Variants in JAM3 observed in about 807,000 individuals in gnomAD.
JAM3 encodes junctional adhesion molecule 3.
In JAM3, 31 loss-of-function variants were observed where a neutral mutation model predicts 39.4. The observed-to-expected ratio is 0.79, with a 90% CI of 0.59 to 1.06. JAM3 has a LOEUF of 1.06. Ranked by LOEUF, JAM3 falls within the 50% of genes least tolerant of loss-of-function variation. The pLI is 0.00. For synonymous variants in JAM3, 182 were observed against 148.7 expected (o/e 1.22, Z -1.63); for missense variants, 455 against 391.4 (o/e 1.16, Z -1.37).
chr11:134,096,071 G>A (rs2120662261), intron 1 of JAM3, among the ~76,000 whole-genome samples: 2 of 152,180 alleles, frequency 1.3e-5, no homozygotes, highest in East Asian at 3.9e-4. Context: ...CCACCTCCTG[G>A]GTTCAGGTGA....
At chr11:134,097,189 G>A (rs898894021) in intron 1 of JAM3, among the ~76,000 whole-genome samples, 2 of 152,258 alleles carry the variant, frequency 1.3e-5, no homozygotes, top group East Asian at 1.9e-4. Flanking sequence ...AATAGTGAAT[G>A]TGTTTTGATT....
At chr11:134,101,259 T>C (rs1355939830) in intron 1 of JAM3, among the ~76,000 whole-genome samples, 1 of 152,250 alleles carries the variant, frequency 6.6e-6, no homozygotes, top group Non-Finnish European at 1.5e-5. Flanking sequence ...GTACTGTCAT[T>C]GAAGTTTGAA....
chr11:134,132,340 A>G (rs1424167608), intron 1 of JAM3, among the ~76,000 whole-genome samples: 2 of 152,238 alleles, frequency 1.3e-5, no homozygotes, highest in African/African-American at 4.8e-5. Flanking sequence ...CCATCCTTCA[A>G]CTATGAAGCA....
intron 1 of JAM3, among the ~76,000 whole-genome samples, chr11:134,094,503 A>G (rs1235093149): frequency 6.9e-6 from 1 of 145,550 alleles, no homozygotes; most frequent in African/African-American, 2.6e-5. Flanking sequence ...ACTTCTCCTG[A>G]ACCCTCCTTA....
Position 134,144,927 on chromosome 11 carries a change from C to A in JAM3, c.545C>A (p.Thr182Lys), listed in dbSNP as rs760276161. 1.9e-6 allele frequency: 3 copies of A among 1,614,202 alleles called. No homozygotes were observed. The highest frequency in any genetic ancestry group is 2.5e-6 in the Non-Finnish European group (3 of 1,180,028). ...SWYRNDVPLP[T>K]DSRANPRFRN... Reference sequence around the variant, plus strand: ...TATCGCAATGATGTACCACTGCCCACGGATTCCAGAGCCAATCCCAGATTT... The same window carrying A: ...TATCGCAATGATGTACCACTGCCCAAGGATTCCAGAGCCAATCCCAGATTT... The change falls in exon 5 of 9, where the codon ACG (threonine) becomes AAG (lysine). Residue 182 changes from threonine to lysine, a missense_variant. Physicochemically the swap from Thr to Lys is moderately conservative, Grantham distance 78. Transcript: ENST00000299106.
chr11:134,113,117 A>G (rs991683186), intron 1 of JAM3, among the ~76,000 whole-genome samples: 5 of 152,012 alleles, frequency 3.3e-5, no homozygotes, highest in Non-Finnish European at 5.9e-5. Context: ...GGGATCATAA[A>G]TGTTTTACTC....
chr11:134,139,625 A>G (rs1302788681), intron 1 of JAM3: 1 of 562,182 alleles, frequency 1.8e-6, no homozygotes, highest in Non-Finnish European at 3.2e-6. Context: ...AAGGAGAAGG[A>G]ATTCTTAGAA....
At chr11:134,082,704 C>T (rs1368388777) in intron 1 of JAM3, among the ~76,000 whole-genome samples, 1 of 152,112 alleles carries the variant, frequency 6.6e-6, no homozygotes, top group African/African-American at 2.4e-5. Context: ...GCAAATTGCC[C>T]AGTCTCGGGT....
intron 1 of JAM3, chr11:134,070,120 G>C: frequency 2.2e-6 from 1 of 455,940 alleles, no homozygotes; most frequent in Non-Finnish European, 4.4e-6. Context: ...CCATTATCTC[G>C]TTTACTCCTT....
intron 1 of JAM3, among the ~76,000 whole-genome samples, chr11:134,096,773 C>T (rs1260080935): frequency 2.6e-5 from 4 of 152,234 alleles, no homozygotes; most frequent in South Asian, 2.1e-4. Flanking sequence ...GTAATGAACA[C>T]GATTGGATTC....
intron 1 of JAM3, among the ~76,000 whole-genome samples, chr11:134,097,504 C>A (rs776846336): frequency 6.6e-6 from 1 of 152,164 alleles, no homozygotes; most frequent in Non-Finnish European, 1.5e-5. Flanking sequence ...AACTTAATGT[C>A]TTTGGCAGGG....
intron 4 of JAM3, 76 bp from the exon 5 acceptor site, chr11:134,144,716 G>A (rs764692767): frequency 1.5e-6 from 2 of 1,329,096 alleles, no homozygotes; most frequent in South Asian, 2.4e-5. Context: ...TGTCTTTGGA[G>A]CTGATTTCTT....
chr11:134,077,311 A>C (rs1395367271), intron 1 of JAM3, among the ~76,000 whole-genome samples: 1 of 144,094 alleles, frequency 6.9e-6, no homozygotes, highest in Non-Finnish European at 1.5e-5. Context: ...TAATGGGATT[A>C]TTTTTTTCTT....
At chr11:134,137,379 C>G (rs1174811994) in intron 1 of JAM3, among the ~76,000 whole-genome samples, 1 of 152,214 alleles carries the variant, frequency 6.6e-6, no homozygotes, top group East Asian at 1.9e-4. Flanking sequence ...CAGCCTGTAT[C>G]TCCTTATAAT....
At position 134,148,767 on chromosome 11, in the gene JAM3, C is replaced by T. The variant is rs752401690; in HGVS notation, c.846C>T (p.Tyr282=). 2.8e-5 allele frequency: 45 copies of T among 1,614,024 alleles called. No individual in the cohort carries two copies. Among genetic ancestry groups the T allele is most frequent in the Non-Finnish European group, 2.1e-5 (25 of 1,180,014 alleles). ...AACTGCTCTCTTCTCCTCATAGTTA[C>T]AAGAACCCAGGGAAACCAGATGGAG... ...FINNKQDGES[Y]KNPGKPDGVN... is the part of the protein sequence containing the mutation. The change falls in exon 8 of 9, where the codon TAC becomes TAT. Residue 282 remains tyrosine, a synonymous_variant. Transcript: ENST00000299106.
chr11:134,140,776 A>T lies in JAM3; in HGVS notation c.256+6A>T. The T allele has an allele frequency of 6.2e-7, 1 of 1,611,536 alleles. No individual in the cohort carries two copies. The highest frequency in any genetic ancestry group is 8.5e-7 in the Non-Finnish European group (1 of 1,178,652). On this transcript the variant is annotated splice_donor_region_variant and intron_variant, in intron 3 of 8. Transcript: ENST00000299106. ...TTTTGACAACAAAATTCAGGGTATG[A>T]TCCTGTAGTCCTCTTGCCTGCTGAC...
intron 1 of JAM3, among the ~76,000 whole-genome samples, chr11:134,102,065 G>A (rs1433139070): frequency 6.6e-6 from 1 of 152,090 alleles, no homozygotes; most frequent in Admixed American, 6.5e-5. Context: ...AAAAATTATA[G>A]TAACCTATTT....
intron 1 of JAM3, among the ~76,000 whole-genome samples, chr11:134,126,732 G>C (rs768796937): frequency 2.6e-5 from 4 of 152,114 alleles, no homozygotes; most frequent in African/African-American, 4.8e-5. Context: ...GTAGAAAACT[G>C]TGCTAGATAC....
chr11:134,106,656 C>T (rs1942195213), intron 1 of JAM3, among the ~76,000 whole-genome samples: 1 of 152,212 alleles, frequency 6.6e-6, no homozygotes, highest in Middle Eastern at 3.4e-3. Context: ...AAAACCTCAT[C>T]AACAAATGGG....
Sources: allele counts gnomAD v4.1 joint callset (sites outside exome capture counted in the v4.1 genomes callset), GRCh38; gene constraint gnomAD v4.1.1; transcripts MANE v1.5; gene names NCBI Gene and HGNC (gene_info 2026-07-23, HGNC 2026-07-21).